EYS: variants seen among roughly 807,000 people sequenced by gnomAD.
EYS encodes protein eyes shut homolog.
Under a neutral mutation model 282.1 loss-of-function variants are expected in EYS, and 250 were observed. The observed-to-expected ratio is 0.89, with a 90% CI of 0.80 to 0.98. EYS has a LOEUF of 0.98. EYS is among the 50% of genes least tolerant of loss of function. The pLI, the probability that EYS is intolerant of heterozygous loss-of-function variation, is 0.00. For synonymous variants in EYS, 1,355 were observed against 1,282.9 expected (o/e 1.06, Z -1.20); for missense variants, 4,016 against 3,709.0 (o/e 1.08, Z -2.15).
chr6:64,387,761 C>A (rs895339794), intron 29 of EYS, among the ~76,000 whole-genome samples: 2 of 152,072 alleles, frequency 1.3e-5, no homozygotes, highest in African/African-American at 4.8e-5. Flanking sequence ...TGGAGTAAAT[C>A]TGAATCTAAA....
intron 13 of EYS, among the ~76,000 whole-genome samples, chr6:65,049,100 T>C (rs537585090): frequency 6.6e-6 from 1 of 151,968 alleles, no homozygotes; most frequent in South Asian, 2.1e-4. Context: ...AAATCTCAAA[T>C]ACACAAAAGA....
chr6:64,424,432 C>A (rs919258005), intron 28 of EYS, among the ~76,000 whole-genome samples: 1 of 152,134 alleles, frequency 6.6e-6, no homozygotes, highest in Non-Finnish European at 1.5e-5. Context: ...TAATTTCATG[C>A]AACTCTGGAG....
chr6:64,297,173 G>A (rs887228296), intron 30 of EYS, among the ~76,000 whole-genome samples: 3 of 152,110 alleles, frequency 2.0e-5, no homozygotes, highest in African/African-American at 7.2e-5. Context: ...TTTGATCACT[G>A]ATTACTGCTT....
chr6:65,039,696 T>A (rs1164710107), intron 13 of EYS, among the ~76,000 whole-genome samples: 1 of 151,608 alleles, frequency 6.6e-6, no homozygotes, highest in Non-Finnish European at 1.5e-5. Context: ...ATTTTATGGT[T>A]TTGCAGATTT....
chr6:63,801,948 G>A (rs1186368775), intron 37 of EYS, among the ~76,000 whole-genome samples: 1 of 152,190 alleles, frequency 6.6e-6, no homozygotes, highest in African/African-American at 2.4e-5. Flanking sequence ...TTCACCTGAG[G>A]AAGATAAAGG....
intron 28 of EYS, among the ~76,000 whole-genome samples, chr6:64,435,438 CTTTT>C (rs71551587): frequency 7.4e-6 from 1 of 135,222 alleles, no homozygotes; most frequent in African/African-American, 2.8e-5. Context: ...CTTCTTCTTC[CTTTT>C]TTTTTTTTTT....
intron 26 of EYS, among the ~76,000 whole-genome samples, chr6:64,511,818 TG>T (rs66891090): frequency 1.7e-4 from 26 of 149,266 alleles, no homozygotes; most frequent in South Asian, 1.3e-3. Flanking sequence ...TACTAAATTT[TG>T]GGGGGGGGTG....
At chr6:65,412,457 T>C (rs1024285458) in intron 5 of EYS, among the ~76,000 whole-genome samples, 1 of 152,176 alleles carries the variant, frequency 6.6e-6, no homozygotes, top group Non-Finnish European at 1.5e-5. Context: ...CACAGCAATG[T>C]ATAAGAGATT....
At chr6:65,226,147 A>T (rs1766620556) in intron 12 of EYS, among the ~76,000 whole-genome samples, 1 of 152,176 alleles carries the variant, frequency 6.6e-6, no homozygotes, top group African/African-American at 2.4e-5. Context: ...ATCTATTAGC[A>T]TTAATATGCA....
At chr6:65,448,986 T>C (rs1291307205) in intron 5 of EYS, among the ~76,000 whole-genome samples, 2 of 152,114 alleles carry the variant, frequency 1.3e-5, no homozygotes, top group Non-Finnish European at 1.5e-5. Flanking sequence ...GATTTAATGT[T>C]AGGTTTGTGA....
At chr6:63,981,478 A>G (rs914251808) in intron 35 of EYS, among the ~76,000 whole-genome samples, 2 of 151,894 alleles carry the variant, frequency 1.3e-5, no homozygotes, top group East Asian at 3.9e-4. Context: ...ATGGAGCAGC[A>G]TGTCCTGTAT....
rs578144754 is a variant in EYS, at chr6:65,270,331, G to A, written c.2023+25532C>T. 2.6e-5 allele frequency among the ~76,000 whole-genome samples: 4 copies of A among 152,256 alleles called. No individual in the cohort carries two copies. In the South Asian group the frequency reaches 8.3e-4, roughly 32 times the overall value. ...TGCTCTTCCTTCTGATTCCACTGGG[G>A]TAGGTGTCCTGCCTTCCAGAATTAT... On this transcript the variant is annotated intron_variant, in intron 12 of 42. Coordinates refer to ENST00000503581, the MANE Select transcript of EYS (RefSeq NM_001142800.2).
chr6:64,660,010 C>A (rs1327601603), intron 22 of EYS, among the ~76,000 whole-genome samples: 1 of 152,132 alleles, frequency 6.6e-6, no homozygotes, highest in African/African-American at 2.4e-5. Flanking sequence ...AAACTGAATC[C>A]AGCAGCACAT....
chr6:64,921,980 A>G (rs967137723), intron 15 of EYS, among the ~76,000 whole-genome samples: 2 of 152,184 alleles, frequency 1.3e-5, no homozygotes, highest in Admixed American at 6.5e-5. Context: ...ATTAAAAAAA[A>G]AAACTTGCTT....
chr6:64,539,366 G>A (rs1219243837), intron 26 of EYS, among the ~76,000 whole-genome samples: 1 of 151,988 alleles, frequency 6.6e-6, no homozygotes, highest in African/African-American at 2.4e-5. Flanking sequence ...AGGAGTTTAT[G>A]CCAGCCTGGG....
intron 12 of EYS, among the ~76,000 whole-genome samples, chr6:65,251,742 A>G (rs950449732): frequency 2.0e-5 from 3 of 152,036 alleles, no homozygotes; most frequent in African/African-American, 7.2e-5. Flanking sequence ...GCAACGCTTC[A>G]GAACTGGCCA....
intron 26 of EYS, among the ~76,000 whole-genome samples, chr6:64,519,122 A>T (rs1017826831): frequency 4.6e-5 from 7 of 151,754 alleles, no homozygotes; most frequent in Admixed American, 2.6e-4. Context: ...GATACTGGGT[A>T]GGTGTTTGAG....
intron 35 of EYS, among the ~76,000 whole-genome samples, chr6:63,970,438 A>T (rs1423174151): frequency 6.6e-6 from 1 of 152,146 alleles, no homozygotes; most frequent in Non-Finnish European, 1.5e-5. Context: ...GATCGAGACC[A>T]TTCTGACTAA....
intron 33 of EYS, among the ~76,000 whole-genome samples, chr6:64,048,715 T>A (rs184831801): frequency 6.6e-6 from 1 of 152,272 alleles, no homozygotes; most frequent in Admixed American, 6.5e-5. Context: ...CATTTTTATA[T>A]GACTATATGA....
Sources: gnomAD v4.1 joint callset for allele counts (sites outside exome capture counted in the v4.1 genomes callset) on GRCh38, gnomAD v4.1.1 for gene constraint, MANE v1.5 for transcripts, NCBI Gene and HGNC (gene_info 2026-07-23, HGNC 2026-07-21) for gene names.